Variants in VEPH1 observed in about 807,000 individuals in gnomAD.
VEPH1 encodes the protein ventricular zone expressed PH domain containing 1.
Under a neutral mutation model 85.2 loss-of-function variants are expected in VEPH1, and 80 were observed. The ratio of observed to expected loss-of-function variants is 0.94; its 90% CI spans 0.78 to 1.13. The LOEUF (loss-of-function observed/expected upper bound fraction) is 1.13, where lower values mean the gene tolerates loss of function less well. Among genes scored for constraint, VEPH1 ranks in the 50% most tolerant of loss-of-function variants. VEPH1 has a pLI of 0.00. For synonymous variants in VEPH1, 297 were observed against 348.0 expected, an observed-to-expected ratio of 0.85 and a Z score of 1.63; for missense variants, 955 against 980.5, an observed-to-expected ratio of 0.97 and a Z score of 0.35.
chr3:157,491,481 A>T (rs972174552), intron 2 of VEPH1, among the ~76,000 whole-genome samples: 4 of 152,170 alleles, frequency 2.6e-5, no homozygotes, highest in African/African-American at 9.7e-5. Context: ...GAGGATACTG[A>T]GTTGAGTAGT....
intron 10 of VEPH1, among the ~76,000 whole-genome samples, chr3:157,314,115 G>A (rs1451584034): frequency 6.6e-6 from 1 of 151,720 alleles, no homozygotes. Context: ...GGTGGATCAC[G>A]AGGTCAGGAG....
intron 5 of VEPH1, among the ~76,000 whole-genome samples, chr3:157,426,367 G>C (rs990130977): frequency 6.6e-6 from 1 of 152,142 alleles, no homozygotes; most frequent in Admixed American, 6.5e-5. Context: ...TGCGAAGAGA[G>C]CCCCTAGCAC....
At chr3:157,484,505 T>C (rs998925317) in intron 2 of VEPH1, among the ~76,000 whole-genome samples, 1 of 152,028 alleles carries the variant, frequency 6.6e-6, no homozygotes, top group Non-Finnish European at 1.5e-5. Context: ...AAACAAGAAC[T>C]TGGATTCAGG....
chr3:157,284,112 T>C lies in VEPH1; in HGVS notation c.2128+2445A>G, dbSNP rs1716477858. Among the ~76,000 whole-genome samples the C allele has an allele frequency of 2.0e-5, 3 of 152,222 alleles. No individual in the cohort carries two copies. In the South Asian group the frequency reaches 6.2e-4, roughly 32 times the overall value. ...GGTTCAGAATGCTTTGGGTATGGTA[T>C]AGTGATGAATTTGATATCGTTACCA... is the stretch of plus-strand genomic sequence containing the variant. On this transcript the variant is annotated intron_variant, in intron 12 of 13. Transcript: ENST00000362010.
intron 4 of VEPH1, among the ~76,000 whole-genome samples, chr3:157,447,580 G>T (rs1246393995): frequency 6.7e-6 from 1 of 150,080 alleles, no homozygotes; most frequent in Admixed American, 6.6e-5. Context: ...AGTGGATATG[G>T]TTCTGCTTCC....
intron 4 of VEPH1, among the ~76,000 whole-genome samples, chr3:157,439,288 A>G (rs893060640): frequency 6.6e-6 from 1 of 152,218 alleles, no homozygotes; most frequent in African/African-American, 2.4e-5. Flanking sequence ...TATTAGTTAG[A>G]GCAGAAGAGG....
At chr3:157,389,190 G>C (rs1330835599) in intron 6 of VEPH1, among the ~76,000 whole-genome samples, 1 of 152,080 alleles carries the variant, frequency 6.6e-6, no homozygotes, top group African/African-American at 2.4e-5. Flanking sequence ...ATGGCCAACA[G>C]CAAGGTAATT....
chr3:157,292,254 G>A (rs902105281), intron 11 of VEPH1, among the ~76,000 whole-genome samples: 4 of 152,114 alleles, frequency 2.6e-5, no homozygotes, highest in Non-Finnish European at 5.9e-5. Context: ...CAAGCTCCCC[G>A]AGTTGCTCTG....
intron 7 of VEPH1, among the ~76,000 whole-genome samples, chr3:157,380,808 T>C (rs960535725): frequency 1.3e-5 from 2 of 152,262 alleles, no homozygotes; most frequent in African/African-American, 2.4e-5. Flanking sequence ...TCTCTATATA[T>C]GTCTAGCTTC....
chr3:157,487,043 C>T (rs1205096462), intron 2 of VEPH1, among the ~76,000 whole-genome samples: 12 of 151,972 alleles, frequency 7.9e-5, no homozygotes, highest in Admixed American at 3.3e-4. Flanking sequence ...TATGGTCTTA[C>T]ATGCTTATAT....
intron 12 of VEPH1, among the ~76,000 whole-genome samples, chr3:157,269,523 C>G (rs904518559): frequency 6.6e-6 from 1 of 152,030 alleles, no homozygotes; most frequent in Non-Finnish European, 1.5e-5. Flanking sequence ...TCAGTAAAAG[C>G]CAGGCTATTT....
intron 4 of VEPH1, among the ~76,000 whole-genome samples, chr3:157,457,443 G>A (rs1003226295): frequency 6.6e-5 from 10 of 152,094 alleles, no homozygotes; most frequent in Non-Finnish European, 8.8e-5. Context: ...GAGAGAGGGC[G>A]TCCTTGTCTT....
chr3:157,337,413 G>A (rs1723067834), intron 9 of VEPH1, among the ~76,000 whole-genome samples: 2 of 152,056 alleles, frequency 1.3e-5, no homozygotes, highest in Admixed American at 1.3e-4. Context: ...TCTTTAAACT[G>A]TACTTCTAAA....
At chr3:157,413,390 T>C (rs1040718250) in intron 6 of VEPH1, 2 of 833,702 alleles carry the variant, frequency 2.4e-6, no homozygotes, top group Non-Finnish European at 2.9e-6. Context: ...CAGGCACTTA[T>C]TGACATGATA....
rs193023574 is a variant in VEPH1, at chr3:157,391,016, C to T, written c.907-9640G>A. Among the ~76,000 whole-genome samples, 106 of 152,380 alleles carry T rather than the reference C, an allele frequency of 7.0e-4. No individual in the cohort carries two copies. The East Asian group carries it at 0.012, about 17-fold the overall frequency. On this transcript the variant is annotated intron_variant, in intron 6 of 13. Transcript: ENST00000362010. ...CCACAGCCTTGCATGGAGCTTGCAA[C>T]TCTGCTGATGCCTGGAGCTGCCTGC... is the stretch of plus-strand genomic sequence containing the variant.
intron 4 of VEPH1, among the ~76,000 whole-genome samples, chr3:157,457,767 G>A (rs1735503126): frequency 6.6e-6 from 1 of 152,164 alleles, no homozygotes; most frequent in South Asian, 2.1e-4. Flanking sequence ...GATTTGTTTT[G>A]CCAGTATTTT....
At chr3:157,320,189 A>G (rs772456561) in intron 9 of VEPH1, among the ~76,000 whole-genome samples, 7 of 152,170 alleles carry the variant, frequency 4.6e-5, no homozygotes, top group African/African-American at 9.7e-5. Context: ...GCTCTTAAGA[A>G]GCTTGCAGCC....
At chr3:157,499,498 G>T (rs1255497573) in intron 1 of VEPH1, 1 of 152,140 alleles carries the variant, frequency 6.6e-6, no homozygotes. Context: ...AGTGGAATCC[G>T]CTCAGCTCAG....
At position 157,400,765 on chromosome 3, in the gene VEPH1, A is replaced by G. The variant is rs1383069361; in HGVS notation, c.906+13116T>C. On this transcript the variant is annotated intron_variant, in intron 6 of 13. Coordinates refer to ENST00000362010, the MANE Select transcript of VEPH1 (RefSeq NM_001167912.2). The stretch of plus-strand genomic sequence containing the variant: ...AAATAATTACAGAATCTTAAAGCTT[A>G]TGGAAGTCTATCTAATTTTAGCTTC... Among the ~76,000 whole-genome samples, 3 of 152,128 alleles carry G rather than the reference A, an allele frequency of 2.0e-5. No individual in the cohort carries two copies. The South Asian group carries it at 6.2e-4, about 31-fold the overall frequency.
Sources: gnomAD v4.1 joint callset for allele counts (sites outside exome capture counted in the v4.1 genomes callset) on GRCh38, gnomAD v4.1.1 for gene constraint, MANE v1.5 for transcripts, NCBI Gene and HGNC (gene_info 2026-07-23, HGNC 2026-07-21) for gene names.